TTLL9: variants seen among roughly 807,000 people sequenced by gnomAD.
TTLL9 encodes the protein probable tubulin polyglutamylase TTLL9.
In TTLL9, 47 loss-of-function variants were observed where a neutral mutation model predicts 65.6. The observed-to-expected ratio is 0.72, with a 90% CI of 0.57 to 0.91. The LOEUF is 0.91. TTLL9 is among the 40% of genes least tolerant of loss of function. The pLI is 0.00. For synonymous variants in TTLL9, 179 were observed against 204.8 expected (o/e 0.87, Z 1.07); for missense variants, 537 against 568.8 (o/e 0.94, Z 0.57).
intron 6 of TTLL9, among the ~76,000 whole-genome samples, chr20:31,915,276 T>C (rs377385732): frequency 2.6e-5 from 4 of 152,176 alleles, no homozygotes; most frequent in Admixed American, 1.3e-4. Flanking sequence ...GGTCAGGAGA[T>C]CGAGACCATC....
At chr20:31,913,721 A>G (rs2063690315) in intron 6 of TTLL9, among the ~76,000 whole-genome samples, 1 of 152,184 alleles carries the variant, frequency 6.6e-6, no homozygotes, top group South Asian at 2.1e-4. Context: ...GCCCCAGCCC[A>G]TCTTGGAGCT....
intron 10 of TTLL9, 66 bp downstream of exon 10, chr20:31,926,157 G>C: frequency 9.1e-7 from 1 of 1,100,372 alleles, no homozygotes; most frequent in Non-Finnish European, 1.4e-6. Flanking sequence ...TTCCATGGGA[G>C]AGGCCAACTC....
At chr20:31,928,569 T>C (rs908255839) in intron 10 of TTLL9, among the ~76,000 whole-genome samples, 13 of 151,506 alleles carry the variant, frequency 8.6e-5, no homozygotes, top group Admixed American at 2.6e-4. Context: ...ATACATACAC[T>C]AAATACAAAA....
chr20:31,876,055 C>T (rs929985927), intron 2 of TTLL9, among the ~76,000 whole-genome samples: 1 of 152,212 alleles, frequency 6.6e-6, no homozygotes. Flanking sequence ...AAACATTTCT[C>T]ATTCTACAAC....
At chr20:31,922,942 T>C in intron 7 of TTLL9, 21 bp from the exon 8 acceptor site, 1 of 1,481,604 alleles carries the variant, frequency 6.7e-7, no homozygotes, top group Non-Finnish European at 9.4e-7. Flanking sequence ...AATGTTCAAT[T>C]ATTATTATTA....
At chr20:31,930,479 A>G (rs2063990849) in intron 10 of TTLL9, among the ~76,000 whole-genome samples, 1 of 152,146 alleles carries the variant, frequency 6.6e-6, no homozygotes, top group African/African-American at 2.4e-5. Flanking sequence ...ATGGGGTCCT[A>G]CCAGCTTTAT....
intron 13 of TTLL9, among the ~76,000 whole-genome samples, chr20:31,938,803 G>C (rs762089673): frequency 9.2e-5 from 14 of 152,300 alleles, no homozygotes; most frequent in Non-Finnish European, 1.8e-4. Context: ...ACTTGAACCA[G>C]GAGGCAGAAG....
chr20:31,936,073 G>A (rs933292656), intron 12 of TTLL9, among the ~76,000 whole-genome samples: 2 of 152,214 alleles, frequency 1.3e-5, no homozygotes, highest in African/African-American at 4.8e-5. Context: ...ATAATTTGCT[G>A]TGTAGTGGAA....
chr20:31,933,742 G>C (rs779173026), intron 10 of TTLL9, 58 bp from the exon 11 acceptor site: 1 of 1,553,178 alleles, frequency 6.4e-7, no homozygotes, highest in Non-Finnish European at 8.8e-7. Flanking sequence ...TGGGGACTTC[G>C]TGGGGCAGAG....
At chr20:31,938,298 G>C in intron 13 of TTLL9, 1 of 440,956 alleles carries the variant, frequency 2.3e-6, no homozygotes, top group Non-Finnish European at 4.6e-6. Flanking sequence ...AGGGAGTGGG[G>C]TCAACCCCAT....
At chr20:31,879,991 C>G (rs1335762518) in intron 2 of TTLL9, 2 of 258,936 alleles carry the variant, frequency 7.7e-6, no homozygotes, top group Non-Finnish European at 1.4e-5. Context: ...ATGGGTGTTC[C>G]TCGCGGAATG....
Position 31,939,165 on chromosome 20 carries a change from T to G in TTLL9, c.1142T>G (p.Val381Gly). ...EARLTGREKR[V>G]GGFDLMWNDG... is the part of the protein sequence containing the mutation. ...AGGCTCACGGGAAGGGAGAAGCGAG[T>G]CGGGGGCTTTGACCTCATGTGGAAT... is the stretch of plus-strand genomic sequence containing the variant. The change falls in exon 14 of 15, where the codon GTC becomes GGC. Residue 381 changes from valine (V) to glycine (G), a missense_variant. Physicochemically the swap from Val to Gly is moderately radical, Grantham distance 109. Around this residue, in one of 3 missense-constraint regions of TTLL9, gnomAD observed 205 missense variants for 225.9 expected, o/e 0.91. Coordinates refer to ENST00000535842, the MANE Select transcript of TTLL9 (RefSeq NM_001008409.5). The G allele has an allele frequency of 1.2e-6, 2 of 1,601,306 alleles. No homozygotes were observed. Among genetic ancestry groups the G allele is most frequent in the South Asian group, 2.2e-5 (2 of 89,084 alleles).
At chr20:31,871,073 C>T (rs2062920607) in intron 1 of TTLL9, 49 bp from the exon 2 acceptor site, 1 of 1,536,048 alleles carries the variant, frequency 6.5e-7, no homozygotes, top group African/African-American at 1.4e-5. Context: ...ATCTTCCCAT[C>T]CATTCATCCA....
chr20:31,894,310 C>T (rs1233089961), intron 3 of TTLL9, among the ~76,000 whole-genome samples: 1 of 151,792 alleles, frequency 6.6e-6, no homozygotes, highest in Admixed American at 6.6e-5. Context: ...CACTGTGTTG[C>T]ACAGGCTGGT....
At chr20:31,896,632 C>T (rs761193349) in intron 3 of TTLL9, among the ~76,000 whole-genome samples, 7 of 151,890 alleles carry the variant, frequency 4.6e-5, no homozygotes, top group Non-Finnish European at 7.4e-5. Context: ...CCAATTCAAG[C>T]GATTCTCCTG....
At position 31,937,756 on chromosome 20, in the gene TTLL9, T is replaced by G. The variant is rs144649784; in HGVS notation, c.1118+247T>G. On this transcript the variant is annotated intron_variant, in intron 13 of 14. Transcript: ENST00000535842. ...TCTGAGACAGTCCAGCAGGATTTCC[T>G]CGAAACCTCCTGACTGTGGGGCTCT... 4.4e-3 allele frequency among the ~76,000 whole-genome samples: 669 copies of G among 151,494 alleles called. 2 individuals are homozygous for G. The highest frequency in any genetic ancestry group is 0.015 in the African/African-American group (617 of 41,070).
chr20:31,870,831 CG>C lies in TTLL9; in HGVS notation c.-121del, dbSNP rs1713228611. On this transcript the variant is annotated 5_prime_UTR_variant, in exon 1 of 15. An upstream open reading frame in the 5' UTR gains an earlier in-frame stop. Coordinates refer to ENST00000535842, the MANE Select transcript of TTLL9 (RefSeq NM_001008409.5). This position sits in a 1 kb window ranked among gnomAD's most constrained non-coding sequence, Gnocchi z 6.6. ...TTCCGGCTCTGCCTGGACGTCCCTG[CG>C]GGCCCCGGGGGAAAGCACCCAACTT... 3 of 532,868 alleles carry C rather than the reference CG, an allele frequency of 5.6e-6. No individual in the cohort carries two copies. The highest frequency in any genetic ancestry group is 3.5e-5 in the Admixed American group (1 of 28,844). The allele number at this position is 532,868 out of a possible 1,614,324, so 33.0% of individuals were successfully genotyped here. A position where few individuals can be genotyped will look rare whatever the true frequency, so the allele number is the denominator to read the frequency against.
chr20:31,890,035 C>CTTTCT (rs1600535528), intron 3 of TTLL9, among the ~76,000 whole-genome samples: 3 of 62,606 alleles, frequency 4.8e-5, no homozygotes, highest in Admixed American at 1.7e-4. Flanking sequence ...TCTTTCTTTC[C>CTTTCT]TTCCTTCCTT....
At chr20:31,937,573 G>C in intron 13 of TTLL9, 64 bp downstream of exon 13, 1 of 1,359,208 alleles carries the variant, frequency 7.4e-7, no homozygotes, top group Non-Finnish European at 1.0e-6. Context: ...CACCAAGGAA[G>C]AGGGGGAGCT....
Sources: allele counts gnomAD v4.1 joint callset (sites outside exome capture counted in the v4.1 genomes callset), GRCh38; gene constraint gnomAD v4.1.1; regional missense constraint gnomAD v4.1.1; non-coding constraint Gnocchi (gnomAD v3.1); transcripts MANE v1.5; gene names NCBI Gene and HGNC (gene_info 2026-07-23, HGNC 2026-07-21).